The following ABTB2 variants were observed in gnomAD, a reference collection of about 807,000 sequenced individuals.
ABTB2 encodes the protein ankyrin repeat and BTB/POZ domain-containing protein 2.
A neutral mutation model predicts 104.1 loss-of-function variants in ABTB2; 56 were observed. The ratio of observed to expected loss-of-function variants is 0.54; its 90% confidence interval spans 0.43 to 0.67. The LOEUF is 0.67. Among genes scored for constraint, ABTB2 ranks in the 30% least tolerant of loss-of-function variants. ABTB2 has a pLI of 0.00. For missense variants in ABTB2, 1,279 were observed against 1,407.7 expected (o/e 0.91, Z 1.46); for synonymous variants, 606 against 608.2 (o/e 1.00, Z 0.05).
At chr11:34,279,787 C>T (rs1024630917) in intron 1 of ABTB2, among the ~76,000 whole-genome samples, 3 of 129,562 alleles carry the variant, frequency 2.3e-5, no homozygotes, top group African/African-American at 8.7e-5. Flanking sequence ...CTTTCTTCTT[C>T]TTTTTTTTTT....
intron 1 of ABTB2, chr11:34,335,216 T>C: frequency 7.9e-7 from 1 of 1,272,096 alleles, no homozygotes; most frequent in Non-Finnish European, 1.2e-6. Context: ...GACGAATCAC[T>C]TTAAGCATCG....
At chr11:34,251,917 T>C (rs1854061530) in intron 1 of ABTB2, among the ~76,000 whole-genome samples, 1 of 152,196 alleles carries the variant, frequency 6.6e-6, no homozygotes, top group African/African-American at 2.4e-5. Context: ...TTGTGCTCAC[T>C]GGAAATCTGC....
At chr11:34,271,478 C>T (rs1225252958) in intron 1 of ABTB2, among the ~76,000 whole-genome samples, 1 of 152,104 alleles carries the variant, frequency 6.6e-6, no homozygotes, top group African/African-American at 2.4e-5. Context: ...GTGGCTCATG[C>T]CTGTAATCCC....
At chr11:34,328,053 C>T (rs766620532) in intron 1 of ABTB2, among the ~76,000 whole-genome samples, 4 of 152,218 alleles carry the variant, frequency 2.6e-5, no homozygotes, top group Non-Finnish European at 5.9e-5. Context: ...AACTCTGACT[C>T]TGTCCAACTC....
chr11:34,188,547 AGTAC>A (rs2133030119), intron 3 of ABTB2, among the ~76,000 whole-genome samples: 1 of 152,336 alleles, frequency 6.6e-6, no homozygotes, highest in South Asian at 2.1e-4. Context: ...CACGGAAACA[AGTAC>A]TTAATTCACC....
chr11:34,289,304 A>G (rs1260381019), intron 1 of ABTB2, among the ~76,000 whole-genome samples: 1 of 152,184 alleles, frequency 6.6e-6, no homozygotes, highest in African/African-American at 2.4e-5. Context: ...TCAACACAGC[A>G]TTTTGCAATT....
intron 1 of ABTB2, among the ~76,000 whole-genome samples, chr11:34,228,620 C>T (rs191465618): frequency 7.2e-5 from 11 of 152,184 alleles, no homozygotes; most frequent in Non-Finnish European, 1.5e-4. Flanking sequence ...CTCAGGTGAT[C>T]GCCTGCCTCA....
Position 34,164,849 on chromosome 11 carries a change from G to C in ABTB2, c.1853-28C>G, listed in dbSNP as rs1367772547. The stretch of plus-strand genomic sequence containing the variant: ...GAAAGAGAAGGTGGGCAGCACGGAG[G>C]ACACTGAGACAGTAGCCGCCAGGGC... On this transcript the variant is annotated intron_variant, in intron 8 of 16. Coordinates refer to ENST00000435224, the MANE Select transcript of ABTB2 (RefSeq NM_145804.3). The C allele has an allele frequency of 1.9e-6, 3 of 1,575,560 alleles. No homozygotes were observed. In the South Asian group the frequency reaches 3.6e-5, roughly 19 times the overall value.
Position 34,290,518 on chromosome 11 carries a change from T to C in ABTB2, c.883+66183A>G, listed in dbSNP as rs373978317. Among the ~76,000 whole-genome samples, 4 of 152,256 alleles carry C rather than the reference T, an allele frequency of 2.6e-5. No homozygotes were observed. In the East Asian group the frequency reaches 7.7e-4, roughly 29 times the overall value. ...CCACATATGGCAGATATGAAAATCA[T>C]CTAGACATCAAGGGCAGGATGCCTT... On this transcript the variant is annotated intron_variant, in intron 1 of 16. Transcript: ENST00000435224.
intron 1 of ABTB2, among the ~76,000 whole-genome samples, chr11:34,259,808 T>TTTA (rs903007135): frequency 2.6e-5 from 4 of 151,940 alleles, no homozygotes; most frequent in Non-Finnish European, 4.4e-5. Context: ...CTAAATAAAC[T>TTTA]TTATTATTAT....
chr11:34,264,855 C>G (rs765024537), intron 1 of ABTB2, among the ~76,000 whole-genome samples: 1 of 152,190 alleles, frequency 6.6e-6, no homozygotes, highest in Non-Finnish European at 1.5e-5. Flanking sequence ...TCCTCATCCT[C>G]GGAACAGGGG....
chr11:34,262,337 C>T (rs1854197542), intron 1 of ABTB2, among the ~76,000 whole-genome samples: 1 of 152,172 alleles, frequency 6.6e-6, no homozygotes, highest in South Asian at 2.1e-4. Context: ...CTGGGTACCT[C>T]CCCTGCAGAC....
chr11:34,222,885 A>G (rs1463462606), intron 1 of ABTB2, among the ~76,000 whole-genome samples: 3 of 152,174 alleles, frequency 2.0e-5, no homozygotes, highest in Admixed American at 2.0e-4. Flanking sequence ...TTCTGGGGGA[A>G]CGACAGAGCC....
rs1289619786 is a variant in ABTB2, at chr11:34,151,305, A to T, written c.*1082T>A. On this transcript the variant is annotated 3_prime_UTR_variant, in exon 17 of 17. Coordinates refer to ENST00000435224, the MANE Select transcript of ABTB2 (RefSeq NM_145804.3). ...ATGCTGCCCCAGTGTCTGGTCCATA[A>T]ATATGACAGGTGTCAGGGGAGCCCA... The T allele has an allele frequency of 1.3e-5, 2 of 152,234 alleles. No homozygotes were observed. Among genetic ancestry groups the T allele is most frequent in the African/African-American group, 4.8e-5 (2 of 41,446 alleles). 9.4% of individuals were successfully genotyped at this position (152,234 alleles called of 1,614,324 possible). A position where few individuals can be genotyped will look rare whatever the true frequency, so the allele number is the denominator to read the frequency against.
intron 1 of ABTB2, among the ~76,000 whole-genome samples, chr11:34,211,922 A>AAAAAG: frequency 6.6e-6 from 1 of 151,092 alleles, no homozygotes; most frequent in Non-Finnish European, 1.5e-5. Flanking sequence ...AAAAAAAAAA[A>AAAAAG]AAGGATAATC....
intron 3 of ABTB2, among the ~76,000 whole-genome samples, chr11:34,195,081 G>GGGGGGGC (rs1200774246): frequency 9.8e-6 from 1 of 102,522 alleles, no homozygotes; most frequent in Non-Finnish European, 2.3e-5. Context: ...CCGGCGGGGG[G>GGGGGGGC]GGGGAGTGGG....
chr11:34,356,639 C>G lies in ABTB2; in HGVS notation c.883+62G>C. On this transcript the variant is annotated intron_variant, in intron 1 of 16. Coordinates refer to ENST00000435224, the MANE Select transcript of ABTB2 (RefSeq NM_145804.3). The surrounding 1 kb of genome is among the most constrained non-coding windows in gnomAD (Gnocchi z 4.6). Reference sequence around the variant, plus strand: ...CTTTGTCTCAGGAAATTCACTCCCCCAGTAGCCCAGGGCGGGATTTCTTGC... The same window carrying G: ...CTTTGTCTCAGGAAATTCACTCCCCGAGTAGCCCAGGGCGGGATTTCTTGC... 6.8e-7 allele frequency: 1 copy of G among 1,470,922 alleles called. No individual in the cohort carries two copies. Among genetic ancestry groups the G allele is most frequent in the South Asian group, 1.4e-5 (1 of 71,604 alleles). 91.1% of individuals were successfully genotyped at this position (1,470,922 alleles called of 1,614,324 possible).
At chr11:34,307,751 T>G (rs1458293316) in intron 1 of ABTB2, among the ~76,000 whole-genome samples, 2 of 150,900 alleles carry the variant, frequency 1.3e-5, no homozygotes, top group Non-Finnish European at 2.9e-5. Flanking sequence ...CAGGCTGGAG[T>G]GCAGTGGTGC....
intron 5 of ABTB2, among the ~76,000 whole-genome samples, chr11:34,168,851 G>A (rs1233088958): frequency 6.6e-6 from 1 of 152,228 alleles, no homozygotes; most frequent in African/African-American, 2.4e-5. Flanking sequence ...CTCTGTGGCC[G>A]GCAACAGCAA....
Sources: gnomAD v4.1 joint callset for allele counts (sites outside exome capture counted in the v4.1 genomes callset) on GRCh38, gnomAD v4.1.1 for gene constraint, Gnocchi (gnomAD v3.1) non-coding constraint, MANE v1.5 for transcripts, NCBI Gene and HGNC (gene_info 2026-07-23, HGNC 2026-07-21) for gene names.